Variants in PCDH19 observed in about 807,000 individuals in gnomAD.
The protein encoded by PCDH19 is protocadherin-19.
A neutral mutation model predicts 46.2 loss-of-function variants in PCDH19; 6 were observed. The ratio of observed to expected loss-of-function variants is 0.13; its 90% CI spans 0.07 to 0.26. The LOEUF (loss-of-function observed/expected upper bound fraction) is 0.26, where lower values mean the gene tolerates loss of function less well. Among genes scored for constraint, PCDH19 ranks in the 10% least tolerant of loss-of-function variants. The pLI is 1.00. For missense variants in PCDH19, 740 were observed against 972.3 expected (o/e 0.76, Z 3.18); for synonymous variants, 481 against 415.7 (o/e 1.16, Z -1.91).
At chrX:100,339,557 T>C (rs925311673) in intron 5 of PCDH19, among the ~76,000 whole-genome samples, 2 of 112,364 alleles carry the variant, frequency 1.8e-5, no homozygotes, top group Non-Finnish European at 3.8e-5. Flanking sequence ...TAAAATGCTA[T>C]GAAATGTTAA....
intron 3 of PCDH19, among the ~76,000 whole-genome samples, chrX:100,391,400 A>T (rs1005462694): frequency 2.7e-5 from 3 of 111,810 alleles, no homozygotes; most frequent in Non-Finnish European, 5.6e-5. Flanking sequence ...ATTTGAACAG[A>T]GAGGCTCTGA....
At chrX:100,369,471 C>T (rs775037220) in intron 3 of PCDH19, among the ~76,000 whole-genome samples, 1 of 112,234 alleles carries the variant, frequency 8.9e-6, no homozygotes, top group African/African-American at 3.2e-5. Context: ...ATTGCCCTTG[C>T]TGAGTATGTG....
chrX:100,362,891 A>G (rs951279968), intron 3 of PCDH19, among the ~76,000 whole-genome samples: 1 of 111,320 alleles, frequency 9.0e-6, no homozygotes, highest in Non-Finnish European at 1.9e-5. Context: ...TAAAAGAAAA[A>G]TCCTACAAAG....
chrX:100,336,102 C>A (rs1336423535), intron 5 of PCDH19, among the ~76,000 whole-genome samples: 1 of 112,227 alleles, frequency 8.9e-6, no homozygotes, highest in Admixed American at 9.5e-5. Context: ...AAATGCTATT[C>A]TGATAAAATG....
intron 5 of PCDH19, among the ~76,000 whole-genome samples, chrX:100,334,247 A>T (rs1272201078): frequency 1.8e-5 from 2 of 111,784 alleles, no homozygotes; most frequent in African/African-American, 6.5e-5. Flanking sequence ...GGAAAGAAAC[A>T]ATGTATTGTA....
chrX:100,305,949 A>G (rs1924933960), intron 5 of PCDH19, among the ~76,000 whole-genome samples: 1 of 111,983 alleles, frequency 8.9e-6, no homozygotes, highest in African/African-American at 3.2e-5. Flanking sequence ...AATAAGATAG[A>G]TGGCAACACA....
intron 3 of PCDH19, among the ~76,000 whole-genome samples, chrX:100,393,885 G>GC (rs1569310412): frequency 8.9e-6 from 1 of 112,414 alleles, no homozygotes; most frequent in Non-Finnish European, 1.9e-5. Flanking sequence ...CCAAGATGCA[G>GC]CCAGGCGTAG....
intron 3 of PCDH19, among the ~76,000 whole-genome samples, chrX:100,359,470 A>G (rs1926814026): frequency 8.9e-6 from 1 of 112,234 alleles, no homozygotes. Flanking sequence ...CTTTAGAGGC[A>G]ATGGCAACCA....
intron 5 of PCDH19, among the ~76,000 whole-genome samples, chrX:100,301,066 CTT>C (rs1415928167): frequency 9.0e-6 from 1 of 111,571 alleles, no homozygotes; most frequent in Admixed American, 9.5e-5. Flanking sequence ...AATAGCAAAA[CTT>C]TATGCAGCAA....
chrX:100,346,687 C>A, intron 4 of PCDH19, among the ~76,000 whole-genome samples: 1 of 112,190 alleles, frequency 8.9e-6, no homozygotes, highest in Admixed American at 9.4e-5. Context: ...TGGAAAAACC[C>A]CAGGACAATT....
chrX:100,351,563 T>C (rs1326063060), intron 3 of PCDH19, among the ~76,000 whole-genome samples: 1 of 111,800 alleles, frequency 8.9e-6, no homozygotes, highest in African/African-American at 3.3e-5. Flanking sequence ...GTAAAGTGGA[T>C]CTCGCCCCCA....
intron 5 of PCDH19, among the ~76,000 whole-genome samples, chrX:100,340,841 A>G (rs991207177): frequency 8.9e-6 from 1 of 112,296 alleles, no homozygotes; most frequent in African/African-American, 3.2e-5. Flanking sequence ...TGATGTTTAC[A>G]GTGAAATGAA....
intron 3 of PCDH19, among the ~76,000 whole-genome samples, chrX:100,372,605 C>T (rs748699416): frequency 2.5e-3 from 282 of 112,785 alleles, no homozygotes; most frequent in African/African-American, 8.7e-3. Context: ...AATGCTGGCA[C>T]TGACCTAGAA....
At chrX:100,363,530 G>A (rs1379626017) in intron 3 of PCDH19, among the ~76,000 whole-genome samples, 1 of 104,170 alleles carries the variant, frequency 9.6e-6, no homozygotes, top group Non-Finnish European at 1.9e-5. Flanking sequence ...TTTCCTACTA[G>A]GATATTTTAT....
Position 100,354,468 on chromosome X carries a change from T to C in PCDH19, c.2617-3764A>G, listed in dbSNP as rs73630682. On this transcript the variant is annotated intron_variant, in intron 3 of 5. Transcript: ENST00000373034. ...GGACCCAGGCACTGGGTGATTTTTT[T>C]AAAAAGCTTTCCAGGAAATTTTAGT... 2.0e-3 allele frequency among the ~76,000 whole-genome samples: 225 copies of C among 111,706 alleles called. 3 individuals carry two copies. The highest frequency in any genetic ancestry group is 6.9e-3 in the African/African-American group (213 of 30,776).
chrX:100,352,675 G>A (rs1377126029), intron 3 of PCDH19, among the ~76,000 whole-genome samples: 1 of 111,439 alleles, frequency 9.0e-6, no homozygotes, highest in African/African-American at 3.3e-5. Context: ...AAAGTGTGTA[G>A]TCCTTCCTCC....
At chrX:100,329,893 C>A (rs972193325) in intron 5 of PCDH19, among the ~76,000 whole-genome samples, 1 of 111,866 alleles carries the variant, frequency 8.9e-6, no homozygotes, top group South Asian at 3.8e-4. Flanking sequence ...GCCTGGGCGA[C>A]ACAGGGAGAC....
intron 3 of PCDH19, among the ~76,000 whole-genome samples, chrX:100,385,030 G>A (rs765303866): frequency 1.8e-5 from 2 of 109,658 alleles, no homozygotes; most frequent in East Asian, 5.7e-4. Flanking sequence ...GTTGTGGTGA[G>A]CACCTGTAAT....
At chrX:100,371,334 T>G (rs1243202487) in intron 3 of PCDH19, among the ~76,000 whole-genome samples, 1 of 111,828 alleles carries the variant, frequency 8.9e-6, no homozygotes, top group Admixed American at 9.5e-5. Context: ...ATCACACTTA[T>G]CACAATTGCA....
Sources: gnomAD v4.1 joint callset for allele counts (sites outside exome capture counted in the v4.1 genomes callset) on GRCh38, gnomAD v4.1.1 for gene constraint, MANE v1.5 for transcripts, NCBI Gene and HGNC (gene_info 2026-07-23, HGNC 2026-07-21) for gene names.